The following SLC10A7 variants were observed in gnomAD, a reference collection of about 807,000 sequenced individuals.
SLC10A7 encodes solute carrier family 10 member 7, also known as sodium/bile acid cotransporter 7.
Under a neutral mutation model 43.2 loss-of-function variants are expected in SLC10A7, and 29 were observed. That is an observed-to-expected ratio of 0.67 (90% CI 0.50 to 0.92). SLC10A7 has a LOEUF of 0.92. Ranked by LOEUF, SLC10A7 falls within the 40% of genes least tolerant of loss-of-function variation. The pLI, the probability that SLC10A7 is intolerant of heterozygous loss-of-function variation, is 0.00. For synonymous variants in SLC10A7, 152 were observed against 144.8 expected (o/e 1.05, Z -0.35); for missense variants, 295 against 403.2 (o/e 0.73, Z 2.30).
At chr4:146,461,624 C>T (rs1348001375) in intron 4 of SLC10A7, among the ~76,000 whole-genome samples, 1 of 152,022 alleles carries the variant, frequency 6.6e-6, no homozygotes, top group Non-Finnish European at 1.5e-5. Context: ...TGCACTCCAG[C>T]TTTGGTTGGC....
intron 5 of SLC10A7, among the ~76,000 whole-genome samples, chr4:146,342,506 G>A (rs188246800): frequency 2.6e-4 from 39 of 151,652 alleles, no homozygotes; most frequent in Non-Finnish European, 4.4e-4. Flanking sequence ...CACACACAAC[G>A]TAACAATCTT....
At chr4:146,459,527 T>C (rs1352273265) in intron 4 of SLC10A7, among the ~76,000 whole-genome samples, 1 of 151,526 alleles carries the variant, frequency 6.6e-6, no homozygotes, top group Non-Finnish European at 1.5e-5. Flanking sequence ...TATATAGAGA[T>C]GGTAAATTGA....
chr4:146,421,535 G>A (rs1728964624), intron 5 of SLC10A7, among the ~76,000 whole-genome samples: 1 of 152,052 alleles, frequency 6.6e-6, no homozygotes, highest in Non-Finnish European at 1.5e-5. Flanking sequence ...ATGGTATCAT[G>A]TCCAAGTTGA....
chr4:146,290,913 C>T (rs1185101990), intron 9 of SLC10A7, among the ~76,000 whole-genome samples: 1 of 151,656 alleles, frequency 6.6e-6, no homozygotes, highest in Non-Finnish European at 1.5e-5. Context: ...CTGACAGAAC[C>T]TCAGTGAATG....
At chr4:146,331,717 T>A (rs180850717) in intron 5 of SLC10A7, among the ~76,000 whole-genome samples, 45 of 152,152 alleles carry the variant, frequency 3.0e-4, no homozygotes, top group African/African-American at 7.9e-4. Flanking sequence ...AATATCATTT[T>A]AAAAAAAAGA....
At chr4:146,334,865 TGAA>T (rs1205997663) in intron 5 of SLC10A7, among the ~76,000 whole-genome samples, 1 of 152,024 alleles carries the variant, frequency 6.6e-6, no homozygotes, top group Non-Finnish European at 1.5e-5. Context: ...TTGTAGAACA[TGAA>T]GAATTTTACT....
chr4:146,485,326 C>G lies in SLC10A7; in HGVS notation c.396+18523G>C, dbSNP rs184836219. On this transcript the variant is annotated intron_variant, in intron 4 of 11. Coordinates refer to ENST00000335472, the MANE Select transcript of SLC10A7 (RefSeq NM_001029998.6). ...GCTGCAGTGATTCATTTTGAGGGGACTTTGGAAGCAGGACTTCAAAGAGTA... is the reference window on the plus strand; with the variant it reads ...GCTGCAGTGATTCATTTTGAGGGGAGTTTGGAAGCAGGACTTCAAAGAGTA... Among the ~76,000 whole-genome samples, 617 of 152,266 alleles carry G rather than the reference C, an allele frequency of 4.1e-3. 4 individuals carry two copies. The highest frequency in any genetic ancestry group is 0.014 in the African/African-American group (580 of 41,558).
At chr4:146,459,403 AAG>A (rs1732339463) in intron 4 of SLC10A7, among the ~76,000 whole-genome samples, 1 of 151,742 alleles carries the variant, frequency 6.6e-6, no homozygotes, top group Non-Finnish European at 1.5e-5. Context: ...GAAAAGTTGG[AAG>A]ACTCACATTT....
intron 3 of SLC10A7, among the ~76,000 whole-genome samples, chr4:146,504,175 A>G (rs1736680351): frequency 1.3e-5 from 2 of 152,078 alleles, no homozygotes; most frequent in Non-Finnish European, 2.9e-5. Context: ...TTAAGCTCTT[A>G]TTATACAATT....
intron 5 of SLC10A7, among the ~76,000 whole-genome samples, chr4:146,397,690 G>T (rs944721127): frequency 1.3e-4 from 20 of 152,128 alleles, no homozygotes; most frequent in African/African-American, 4.8e-4. Context: ...TCACACTGAA[G>T]CAGTGTTGAA....
chr4:146,392,112 C>T (rs1738475166), intron 5 of SLC10A7, among the ~76,000 whole-genome samples: 1 of 152,114 alleles, frequency 6.6e-6, no homozygotes, highest in Non-Finnish European at 1.5e-5. Context: ...ATGATCTATT[C>T]TTGTATATAC....
intron 5 of SLC10A7, among the ~76,000 whole-genome samples, chr4:146,440,604 A>G (rs983277976): frequency 2.2e-4 from 34 of 152,114 alleles, no homozygotes; most frequent in African/African-American, 8.0e-4. Context: ...TCTTAAGCCA[A>G]ACCTAATTCT....
intron 1 of SLC10A7, among the ~76,000 whole-genome samples, chr4:146,519,350 TATAG>T (rs982342605): frequency 1.1e-4 from 16 of 146,530 alleles, no homozygotes; most frequent in Non-Finnish European, 7.5e-5. Context: ...ATTATCTATA[TATAG>T]AGAGAGATGA....
At position 146,503,193 on chromosome 4, in the gene SLC10A7, T is replaced by C. The variant is rs80277098; in HGVS notation, c.396+656A>G. 1.3e-3 allele frequency among the ~76,000 whole-genome samples: 192 copies of C among 152,258 alleles called. 2 individuals are homozygous for C. The South Asian group carries it at 0.025, about 20-fold the overall frequency. On this transcript the variant is annotated intron_variant, in intron 4 of 11. Transcript: ENST00000335472. Reference sequence around the variant, plus strand: ...TTATATCTTCCCTCCTTCAATAACATCTTTTTTCTGAATGAGAGAATATAA... The same window carrying C: ...TTATATCTTCCCTCCTTCAATAACACCTTTTTTCTGAATGAGAGAATATAA...
chr4:146,469,321 G>C (rs1280320594), intron 4 of SLC10A7, among the ~76,000 whole-genome samples: 1 of 152,240 alleles, frequency 6.6e-6, no homozygotes, highest in Non-Finnish European at 1.5e-5. Context: ...GTGTCAGAGA[G>C]ATTGGAAATT....
At chr4:146,382,188 C>T (rs997208101) in intron 5 of SLC10A7, among the ~76,000 whole-genome samples, 7 of 152,196 alleles carry the variant, frequency 4.6e-5, no homozygotes, top group East Asian at 3.9e-4. Flanking sequence ...GCAATTATAG[C>T]GATGTTACAA....
At chr4:146,505,211 TTCTTCC>T (rs1420895328) in intron 3 of SLC10A7, among the ~76,000 whole-genome samples, 3 of 152,232 alleles carry the variant, frequency 2.0e-5, no homozygotes, top group African/African-American at 7.2e-5. Context: ...ACAGCAAGAC[TTCTTCC>T]TCTTCATTAG....
rs1032196173 is a variant in SLC10A7, at chr4:146,254,644, G to A, written c.*1847C>T. On this transcript the variant is annotated 3_prime_UTR_variant, in exon 12 of 12. Coordinates refer to ENST00000335472, the MANE Select transcript of SLC10A7 (RefSeq NM_001029998.6). ...CTATAGGTGTTAGACAATAGAGGTAGATAAGTTGGGGGCGGGGATCAGTAT... is the reference window on the plus strand; with the variant it reads ...CTATAGGTGTTAGACAATAGAGGTAAATAAGTTGGGGGCGGGGATCAGTAT... 4.6e-5 allele frequency: 7 copies of A among 152,316 alleles called. No homozygotes were observed. In the East Asian group the frequency reaches 1.3e-3, roughly 29 times the overall value. 9.4% of individuals were successfully genotyped at this position (152,316 alleles called of 1,614,324 possible). A position where few individuals can be genotyped will look rare whatever the true frequency, so the allele number is the denominator to read the frequency against.
At chr4:146,489,888 CAA>C (rs1167511847) in intron 4 of SLC10A7, among the ~76,000 whole-genome samples, 1 of 152,088 alleles carries the variant, frequency 6.6e-6, no homozygotes, top group Non-Finnish European at 1.5e-5. Flanking sequence ...CAGTTAAGCC[CAA>C]AGTTTATCAA....
Sources: allele counts gnomAD v4.1 joint callset (sites outside exome capture counted in the v4.1 genomes callset), GRCh38; gene constraint gnomAD v4.1.1; transcripts MANE v1.5; gene names NCBI Gene and HGNC (gene_info 2026-07-23, HGNC 2026-07-21).